ARHGEF9: variants seen among roughly 807,000 people sequenced by gnomAD.
ARHGEF9 encodes rho guanine nucleotide exchange factor 9.
Under a neutral mutation model 41.3 loss-of-function variants are expected in ARHGEF9, and 2 were observed. That is an observed-to-expected ratio of 0.05 (90% CI 0.02 to 0.15). ARHGEF9 has a LOEUF of 0.15. Ranked by LOEUF, ARHGEF9 falls within the 10% of genes least tolerant of loss-of-function variation. The pLI is 1.00. For synonymous variants in ARHGEF9, 160 were observed against 154.4 expected (o/e 1.04, Z -0.27); for missense variants, 225 against 424.7 (o/e 0.53, Z 4.13).
At chrX:63,744,259 A>G (rs141545867) in intron 1 of ARHGEF9, among the ~76,000 whole-genome samples, 3 of 112,435 alleles carry the variant, frequency 2.7e-5, no homozygotes, top group African/African-American at 9.7e-5. Flanking sequence ...TTTCCATCAC[A>G]CCACACAGGT....
At chrX:63,743,674 G>A (rs1398253326) in intron 1 of ARHGEF9, among the ~76,000 whole-genome samples, 15 of 112,315 alleles carry the variant, frequency 1.3e-4, no homozygotes, top group Admixed American at 3.8e-4. Flanking sequence ...ACAAATCCTA[G>A]CCAAGGATCT....
chrX:63,639,979 T>C (rs1556303807), intron 9 of ARHGEF9: 1 of 111,282 alleles, frequency 9.0e-6, no homozygotes, highest in African/African-American at 3.3e-5. Context: ...GTTAGGGAAA[T>C]GAAGAGAGGT....
chrX:63,747,323 T>C (rs1556435362), intron 1 of ARHGEF9, among the ~76,000 whole-genome samples: 2 of 111,663 alleles, frequency 1.8e-5, no homozygotes, highest in Non-Finnish European at 3.8e-5. Flanking sequence ...ATTCCTGAAG[T>C]GTTCAAACCA....
intron 1 of ARHGEF9, chrX:63,743,510 T>A (rs1556429288): frequency 8.9e-6 from 1 of 112,913 alleles, no homozygotes; most frequent in East Asian, 2.8e-4. Context: ...AGTCTTTATC[T>A]TCTTGTCCTG....
At chrX:63,673,821 C>A (rs1556358511) in intron 6 of ARHGEF9, among the ~76,000 whole-genome samples, 1 of 111,737 alleles carries the variant, frequency 8.9e-6, no homozygotes, top group Non-Finnish European at 1.9e-5. Context: ...CCTTTCATTT[C>A]TTAATGAGGT....
intron 1 of ARHGEF9, among the ~76,000 whole-genome samples, chrX:63,738,434 CAA>C (rs1230192471): frequency 9.0e-6 from 1 of 111,601 alleles, no homozygotes; most frequent in Non-Finnish European, 1.9e-5. Flanking sequence ...TATCTATGGT[CAA>C]AAGAGATTAG....
At chrX:63,776,996 T>A (rs1336578812) in intron 1 of ARHGEF9, among the ~76,000 whole-genome samples, 1 of 111,649 alleles carries the variant, frequency 9.0e-6, no homozygotes, top group Non-Finnish European at 1.9e-5. Flanking sequence ...AGTCATCTCC[T>A]CCCGCTAAAT....
chrX:63,733,971 C>T (rs1344384981), intron 1 of ARHGEF9, among the ~76,000 whole-genome samples: 9 of 112,702 alleles, frequency 8.0e-5, no homozygotes, highest in Non-Finnish European at 1.5e-4. Context: ...AGAACAGCTT[C>T]TTCCTGCACT....
chrX:63,727,586 A>T (rs182250641), intron 1 of ARHGEF9: 10 of 112,208 alleles, frequency 8.9e-5, no homozygotes, highest in Non-Finnish European at 1.9e-4. Context: ...TCAAATGGTC[A>T]GCCTTCTGGA....
chrX:63,704,522 A>AT (rs1363162175), intron 3 of ARHGEF9, among the ~76,000 whole-genome samples: 7 of 111,858 alleles, frequency 6.3e-5, no homozygotes, highest in African/African-American at 2.0e-4. Context: ...CCGAGGGGGA[A>AT]TTTTTTTAGC....
chrX:63,740,415 G>C (rs1414004053), intron 1 of ARHGEF9, among the ~76,000 whole-genome samples: 1 of 112,139 alleles, frequency 8.9e-6, no homozygotes, highest in South Asian at 3.7e-4. Context: ...GGACAATGAT[G>C]ATGCAGCTTT....
chrX:63,731,102 G>A (rs782137813), intron 1 of ARHGEF9, among the ~76,000 whole-genome samples: 1 of 111,999 alleles, frequency 8.9e-6, no homozygotes, highest in Admixed American at 9.4e-5. Context: ...TATGCCAATT[G>A]CCATGAAGGT....
chrX:63,743,091 C>T (rs782242702), intron 1 of ARHGEF9, among the ~76,000 whole-genome samples: 1 of 111,784 alleles, frequency 8.9e-6, no homozygotes, highest in South Asian at 3.8e-4. Flanking sequence ...CAAAAATTAG[C>T]TGGGCATGGT....
At chrX:63,780,789 G>A (rs1387997021) in intron 1 of ARHGEF9, among the ~76,000 whole-genome samples, 2 of 111,471 alleles carry the variant, frequency 1.8e-5, no homozygotes, top group African/African-American at 6.5e-5. Flanking sequence ...CAGTTGCATC[G>A]TTGGCCCCTG....
chrX:63,739,240 T>C (rs782352919), intron 1 of ARHGEF9, among the ~76,000 whole-genome samples: 2 of 111,501 alleles, frequency 1.8e-5, no homozygotes, highest in African/African-American at 3.3e-5. Context: ...AGAATCCTCC[T>C]ATTGTCTTGA....
chrX:63,644,092 C>T, intron 8 of ARHGEF9, 44 bp from the exon 9 acceptor site: 1 of 1,025,505 alleles, frequency 9.8e-7, no homozygotes. Flanking sequence ...GAAACACACA[C>T]CCTTACTGAG....
chrX:63,710,540 A>C (rs1440238505), intron 2 of ARHGEF9, among the ~76,000 whole-genome samples: 3 of 111,053 alleles, frequency 2.7e-5, no homozygotes, highest in Non-Finnish European at 5.7e-5. Context: ...AGTCCATGTA[A>C]ATTACACCAT....
intron 3 of ARHGEF9, among the ~76,000 whole-genome samples, chrX:63,700,356 C>T (rs1234211344): frequency 9.0e-6 from 1 of 111,291 alleles, no homozygotes; most frequent in Non-Finnish European, 1.9e-5. Flanking sequence ...TTTTTTTATC[C>T]CCTTCTTTTG....
intron 1 of ARHGEF9, among the ~76,000 whole-genome samples, chrX:63,730,201 C>T (rs1230736107): frequency 9.0e-6 from 1 of 111,714 alleles, no homozygotes; most frequent in Non-Finnish European, 1.9e-5. Context: ...AAGGGAAGGA[C>T]GAAGCAAGAG....
Sources: allele counts gnomAD v4.1 joint callset (sites outside exome capture counted in the v4.1 genomes callset), GRCh38; gene constraint gnomAD v4.1.1; transcripts MANE v1.5; gene names NCBI Gene and HGNC (gene_info 2026-07-23, HGNC 2026-07-21).